PCMT1: variants seen among roughly 807,000 people sequenced by gnomAD.
PCMT1 encodes protein-L-isoaspartate(D-aspartate) O-methyltransferase.
In PCMT1, 9 loss-of-function variants were observed where a neutral mutation model predicts 29.2. The ratio of observed to expected loss-of-function variants is 0.31; its 90% CI spans 0.19 to 0.54. The LOEUF (loss-of-function observed/expected upper bound fraction) is 0.54, where lower values mean the gene tolerates loss of function less well. Among genes scored for constraint, PCMT1 ranks in the 20% least tolerant of loss-of-function variants. PCMT1 has a pLI of 0.95. For missense variants in PCMT1, 184 were observed against 282.2 expected (o/e 0.65, Z 2.49); for synonymous variants, 98 against 97.5 (o/e 1.00, Z -0.03).
Position 149,779,105 on chromosome 6 carries a change from C to T in PCMT1, c.192+5936C>T, listed in dbSNP as rs184472947. On this transcript the variant is annotated intron_variant, in intron 3 of 7. Transcript: ENST00000464889. ...AGAATATTAACTGCTTATCCCTCCTCTATGCGCAGAGAGGCTTATCTGTGT... is the reference window on the plus strand; with the variant it reads ...AGAATATTAACTGCTTATCCCTCCTTTATGCGCAGAGAGGCTTATCTGTGT... 9.9e-5 allele frequency among the ~76,000 whole-genome samples: 15 copies of T among 152,258 alleles called. No homozygotes were observed. The East Asian group carries it at 2.9e-3, about 29-fold the overall frequency.
At chr6:149,806,844 A>G (rs1041448976) in intron 7 of PCMT1, among the ~76,000 whole-genome samples, 1 of 152,024 alleles carries the variant, frequency 6.6e-6, no homozygotes, top group Non-Finnish European at 1.5e-5. Flanking sequence ...CACCCACCTC[A>G]GCCTCCCAAA....
At chr6:149,764,733 A>G (rs925489777) in intron 1 of PCMT1, among the ~76,000 whole-genome samples, 1 of 149,490 alleles carries the variant, frequency 6.7e-6, no homozygotes, top group African/African-American at 2.5e-5. Context: ...AAGCCAGACC[A>G]TATCTCTTTA....
intron 6 of PCMT1, among the ~76,000 whole-genome samples, chr6:149,801,608 G>A (rs939269169): frequency 1.3e-5 from 2 of 151,920 alleles, no homozygotes; most frequent in Non-Finnish European, 2.9e-5. Context: ...CACCATGCCT[G>A]GCTAATTTTG....
chr6:149,810,550 T>C, intron 7 of PCMT1, 66 bp from the exon 8 acceptor site: 1 of 1,245,034 alleles, frequency 8.0e-7, no homozygotes. Flanking sequence ...GTGTCTAAAC[T>C]ATTATAAAGC....
chr6:149,771,044 A>G (rs1345352637), intron 1 of PCMT1, 118 bp from the exon 2 acceptor site: 3 of 552,790 alleles, frequency 5.4e-6, no homozygotes, highest in Non-Finnish European at 6.2e-6. Context: ...GGCCATTACA[A>G]CAACTTCCAA....
intron 3 of PCMT1, among the ~76,000 whole-genome samples, chr6:149,786,101 T>G (rs1305457472): frequency 7.4e-6 from 1 of 135,868 alleles, no homozygotes; most frequent in East Asian, 2.5e-4. Flanking sequence ...TCCTTCCCAG[T>G]AGGGGCGGCC....
At chr6:149,750,182 C>A (rs1437605076) in intron 1 of PCMT1, 1 of 625,346 alleles carries the variant, frequency 1.6e-6, no homozygotes, top group Non-Finnish European at 2.7e-6. Context: ...AGCCAGGGGC[C>A]GCTGCTGGTG....
At chr6:149,789,850 G>T in intron 3 of PCMT1, 104 bp from the exon 4 acceptor site, 1 of 610,508 alleles carries the variant, frequency 1.6e-6, no homozygotes. Context: ...GGTTATCTTG[G>T]TAGATGACAA....
intron 1 of PCMT1, among the ~76,000 whole-genome samples, chr6:149,761,026 AGTGTGTGTGTGT>A (rs57501586): frequency 6.0e-5 from 9 of 149,640 alleles, no homozygotes; most frequent in South Asian, 2.1e-4. Context: ...CAGGTAAAAA[AGTGTGTGTGTGT>A]GTGTGTGTGT....
At chr6:149,762,999 GATAT>G (rs1247905936) in intron 1 of PCMT1, among the ~76,000 whole-genome samples, 2 of 54,066 alleles carry the variant, frequency 3.7e-5, no homozygotes, top group African/African-American at 1.9e-4. Context: ...TGATATATAT[GATAT>G]ATATATCTAT....
At chr6:149,760,965 T>A (rs1256921239) in intron 1 of PCMT1, among the ~76,000 whole-genome samples, 1 of 152,120 alleles carries the variant, frequency 6.6e-6, no homozygotes, top group African/African-American at 2.4e-5. Context: ...GGAGACTAAT[T>A]GGGAATGCAC....
intron 1 of PCMT1, 132 bp from the exon 2 acceptor site, chr6:149,771,030 C>G: frequency 1.9e-6 from 1 of 513,140 alleles, no homozygotes; most frequent in Admixed American, 3.8e-5. Flanking sequence ...GTTGCCATTA[C>G]CTGGGCCATT....
At chr6:149,761,078 A>G (rs1009267607) in intron 1 of PCMT1, among the ~76,000 whole-genome samples, 2 of 150,692 alleles carry the variant, frequency 1.3e-5, no homozygotes, top group African/African-American at 4.9e-5. Context: ...TAAAACTGAT[A>G]TAACTATATG....
At position 149,806,747 on chromosome 6, in the gene PCMT1, A is replaced by G. The variant is rs180866537; in HGVS notation, c.*38-3869A>G. On this transcript the variant is annotated intron_variant, in intron 7 of 7. Transcript: ENST00000464889. The stretch of plus-strand genomic sequence containing the variant: ...CTGGGACCACAGGGTGTGCCACCAT[A>G]CTCAGCTGATTTTCTTGTTTTTTTT... Among the ~76,000 whole-genome samples, 1,004 of 151,262 alleles carry G rather than the reference A, an allele frequency of 6.6e-3. 2 individuals carry two copies. Among genetic ancestry groups the G allele is most frequent in the South Asian group, 0.014 (68 of 4,774 alleles).
chr6:149,759,704 A>C (rs1266882671), intron 1 of PCMT1, among the ~76,000 whole-genome samples: 1 of 152,104 alleles, frequency 6.6e-6, no homozygotes, highest in Non-Finnish European at 1.5e-5. Flanking sequence ...CATATTGGCC[A>C]GGCTGGTCTC....
intron 3 of PCMT1, among the ~76,000 whole-genome samples, chr6:149,784,532 G>A (rs963941592): frequency 4.0e-5 from 6 of 150,818 alleles, no homozygotes; most frequent in African/African-American, 7.3e-5. Context: ...ATGTAGTAGC[G>A]CAATCTCAGC....
chr6:149,795,461 A>G (rs1026104978), intron 5 of PCMT1: 8 of 404,756 alleles, frequency 2.0e-5, no homozygotes, highest in African/African-American at 1.3e-4. Flanking sequence ...AATAGCACCA[A>G]TAGTGAGTAA....
In PCMT1 at chr6:149,758,185, A is replaced by ATTTTTT. The variant is rs58659986; in HGVS notation, c.55+8234_55+8239dup. Among the ~76,000 whole-genome samples, 23 of 100,840 alleles carry ATTTTTT rather than the reference A, an allele frequency of 2.3e-4. 1 individual carries two copies. The highest frequency in any genetic ancestry group is 2.9e-4 in the Non-Finnish European group (16 of 54,342). 66.2% of individuals were successfully genotyped at this position (100,840 alleles called of 152,430 possible). A position where few individuals can be genotyped will look rare whatever the true frequency, so the allele number is the denominator to read the frequency against. On this transcript the variant is annotated intron_variant, in intron 1 of 7. Coordinates refer to ENST00000464889, the MANE Select transcript of PCMT1 (RefSeq NM_001360452.2). Reference sequence around the variant, plus strand: ...AGGAGTGAGCCACTGCGCCCAACCAATTTTTTTTTTCTTTCTTTCTTTCTT... The same window carrying ATTTTTT: ...AGGAGTGAGCCACTGCGCCCAACCAATTTTTTTTTTTTTTTTCTTTCTTTCTTTCTT...
rs1248531642 is a variant in PCMT1 at position 149,763,281 on chromosome 6, T to C, written c.56-7881T>C. Among the ~76,000 whole-genome samples the C allele has an allele frequency of 1.4e-4, 9 of 66,370 alleles. 4 individuals are homozygous for C. The highest frequency in any genetic ancestry group is 1.2e-3 in the African/African-American group (9 of 7,246). 43.5% of individuals were successfully genotyped at this position (66,370 alleles called of 152,430 possible). ...ATGATATCTATGATATAAATATCTA[T>C]GATATCTATGATATATATATCTATG... is the stretch of plus-strand genomic sequence containing the variant. On this transcript the variant is annotated intron_variant, in intron 1 of 7. Transcript: ENST00000464889.
Sources: allele counts gnomAD v4.1 joint callset (sites outside exome capture counted in the v4.1 genomes callset), GRCh38; gene constraint gnomAD v4.1.1; transcripts MANE v1.5; gene names NCBI Gene and HGNC (gene_info 2026-07-23, HGNC 2026-07-21).